The following RBM6 variants were observed in gnomAD, a reference collection of about 807,000 sequenced individuals.
The protein encoded by RBM6 is RNA binding motif protein 6.
RBM6 carries 23 observed loss-of-function variants against 140.4 expected under a neutral mutation model. The ratio of observed to expected loss-of-function variants is 0.16; its 90% CI spans 0.12 to 0.23. RBM6 has a LOEUF of 0.23. Ranked by LOEUF, RBM6 falls within the 10% of genes least tolerant of loss-of-function variation. The pLI, the probability that RBM6 is intolerant of heterozygous loss-of-function variation, is 1.00. For synonymous variants in RBM6, 439 were observed against 475.6 expected (o/e 0.92, Z 1.00); for missense variants, 1,139 against 1,386.7 (o/e 0.82, Z 2.84).
intron 6 of RBM6, among the ~76,000 whole-genome samples, chr3:50,033,186 A>T (rs764944482): frequency 4.0e-5 from 6 of 151,816 alleles, no homozygotes; most frequent in Non-Finnish European, 8.8e-5. Context: ...AATCCCAGCT[A>T]CTCAGGAGGC....
rs997315177 is a variant in RBM6 at position 50,061,991 on chromosome 3, A to G, written c.2469A>G (p.Gly823=). The G allele has an allele frequency of 5.0e-6, 8 of 1,613,962 alleles. No homozygotes were observed. The highest frequency in any genetic ancestry group is 2.7e-5 in the African/African-American group (2 of 75,014). ...AAGTCTATGTGCCCCAGGATCCTGG[A>G]TTACCTGAGGAAGAAGAGATCAAGG... ...QQEVYVPQDP[G]LPEEEEIKEK... Residue 823 remains glycine (G), a synonymous_variant, in exon 15 of 21, where the codon GGA becomes GGG. Transcript: ENST00000266022.
intron 1 of RBM6, among the ~76,000 whole-genome samples, chr3:49,955,586 T>TAATCCCAG (rs2083944020): frequency 6.6e-6 from 1 of 151,976 alleles, no homozygotes; most frequent in South Asian, 2.1e-4. Flanking sequence ...CTCACGCCTG[T>TAATCCCAG]AATCCCAGCC....
rs74465022 is a variant in RBM6 at position 49,943,320 on chromosome 3, T to C, written c.-67+3095T>C. ...ATTAATTATTTTATTTATTTTTTTTTGAGACAGGGTCTTGCTCTGTTGCCC... is the reference window on the plus strand; with the variant it reads ...ATTAATTATTTTATTTATTTTTTTTCGAGACAGGGTCTTGCTCTGTTGCCC... On this transcript the variant is annotated intron_variant, in intron 1 of 20. Coordinates refer to ENST00000266022, the MANE Select transcript of RBM6 (RefSeq NM_005777.3). Among the ~76,000 whole-genome samples, 15 of 152,034 alleles carry C rather than the reference T, an allele frequency of 9.9e-5. No homozygotes were observed. In the South Asian group the frequency reaches 1.7e-3, roughly 17 times the overall value.
chr3:50,035,386 T>C (rs2088468565), intron 6 of RBM6, among the ~76,000 whole-genome samples: 1 of 152,028 alleles, frequency 6.6e-6, no homozygotes, highest in Non-Finnish European at 1.5e-5. Flanking sequence ...CTACTCTGTA[T>C]AATAGAAACT....
intron 3 of RBM6, among the ~76,000 whole-genome samples, chr3:49,970,840 A>G (rs975431714): frequency 6.6e-6 from 1 of 152,044 alleles, no homozygotes; most frequent in African/African-American, 2.4e-5. Context: ...GGTGGGGAAG[A>G]AAAATAAGGC....
At chr3:49,980,761 T>TAAA (rs1208250264) in intron 5 of RBM6, among the ~76,000 whole-genome samples, 1 of 119,130 alleles carries the variant, frequency 8.4e-6, no homozygotes, top group African/African-American at 3.2e-5. Flanking sequence ...GAATTCATCT[T>TAAA]AAAAAAAAAA....
At chr3:49,961,521 C>A (rs2084280123) in intron 1 of RBM6, among the ~76,000 whole-genome samples, 1 of 151,110 alleles carries the variant, frequency 6.6e-6, no homozygotes, top group Admixed American at 6.6e-5. Context: ...ATTTTTCTGG[C>A]CGGGCACGGT....
chr3:50,020,154 C>T (rs2087403607), intron 6 of RBM6, among the ~76,000 whole-genome samples: 1 of 152,020 alleles, frequency 6.6e-6, no homozygotes, highest in South Asian at 2.1e-4. Flanking sequence ...AACTCCTGGG[C>T]GGGCTCAAGC....
intron 6 of RBM6, among the ~76,000 whole-genome samples, chr3:50,010,900 CA>C (rs776065398): frequency 2.0e-3 from 103 of 52,228 alleles, no homozygotes; most frequent in Non-Finnish European, 2.6e-3. Context: ...AAGACTGTCT[CA>C]AAAAAAAAAA....
chr3:49,970,182 C>T (rs1219104781), intron 3 of RBM6, among the ~76,000 whole-genome samples: 1 of 152,076 alleles, frequency 6.6e-6, no homozygotes, highest in African/African-American at 2.4e-5. Context: ...CTCAAATGAT[C>T]CACCCTTCTC....
chr3:50,040,493 TACACAC>T (rs1553661202), intron 6 of RBM6, among the ~76,000 whole-genome samples: 9 of 85,906 alleles, frequency 1.0e-4, no homozygotes, highest in Admixed American at 1.5e-4. Context: ...TATATATATA[TACACAC>T]ACACACACAC....
intron 6 of RBM6, among the ~76,000 whole-genome samples, chr3:50,040,904 C>G (rs1224490405): frequency 6.6e-6 from 1 of 152,082 alleles, no homozygotes; most frequent in African/African-American, 2.4e-5. Flanking sequence ...CTTGACCTCC[C>G]CAAATGCTGG....
At chr3:50,061,786 G>A (rs1469335371) in intron 14 of RBM6, 176 bp from the exon 15 acceptor site, 2 of 1,262,542 alleles carry the variant, frequency 1.6e-6, no homozygotes, top group Non-Finnish European at 2.1e-6. Flanking sequence ...TGGACAGTGG[G>A]TGGTCTGAAT....
At chr3:50,066,063 A>G (rs1015249161) in intron 16 of RBM6, among the ~76,000 whole-genome samples, 179 bp from the exon 17 acceptor site, 2 of 152,218 alleles carry the variant, frequency 1.3e-5, no homozygotes, top group Non-Finnish European at 2.9e-5. Context: ...TTCTTAATGA[A>G]CAAGGAGCAA....
At chr3:50,039,938 G>C (rs1341902329) in intron 6 of RBM6, among the ~76,000 whole-genome samples, 3 of 152,134 alleles carry the variant, frequency 2.0e-5, no homozygotes, top group Non-Finnish European at 4.4e-5. Context: ...TAGAATAGGA[G>C]AGACGTGTGG....
At chr3:50,013,883 C>T (rs2086982364) in intron 6 of RBM6, among the ~76,000 whole-genome samples, 1 of 152,138 alleles carries the variant, frequency 6.6e-6, no homozygotes, top group Non-Finnish European at 1.5e-5. Flanking sequence ...CCTCCCCAAC[C>T]ACTGGACATT....
At chr3:49,940,531 G>C (rs201230469) in intron 1 of RBM6, 142 of 155,396 alleles carry the variant, frequency 9.1e-4, no homozygotes, top group Non-Finnish European at 1.5e-3. Context: ...GCGGCTCTGT[G>C]CTCCTACTCT....
intron 6 of RBM6, among the ~76,000 whole-genome samples, chr3:50,042,488 T>C (rs997452548): frequency 1.3e-5 from 2 of 152,142 alleles, no homozygotes; most frequent in Non-Finnish European, 2.9e-5. Flanking sequence ...ATCTCAACAC[T>C]TTGGGAAGCT....
intron 7 of RBM6, 122 bp downstream of exon 7, chr3:50,048,441 C>T (rs1421033044): frequency 2.0e-6 from 3 of 1,475,422 alleles, no homozygotes; most frequent in Non-Finnish European, 2.7e-6. Context: ...CCTCAGGTCA[C>T]TTCAGTTGAA....
Sources: gnomAD v4.1 joint callset for allele counts (sites outside exome capture counted in the v4.1 genomes callset) on GRCh38, gnomAD v4.1.1 for gene constraint, MANE v1.5 for transcripts, NCBI Gene and HGNC (gene_info 2026-07-23, HGNC 2026-07-21) for gene names.